The following ADAM12 variants were observed in gnomAD, a reference collection of about 807,000 sequenced individuals.
ADAM12 encodes the protein disintegrin and metalloproteinase domain-containing protein 12.
In ADAM12, 70 loss-of-function variants were observed where a neutral mutation model predicts 106.4. The observed-to-expected ratio is 0.66, with a 90% CI of 0.54 to 0.80. The LOEUF is 0.80. Among genes scored for constraint, ADAM12 ranks in the 30% least tolerant of loss-of-function variants. The probability of loss-of-function intolerance (pLI) is 0.00; values close to 1 mark genes in which losing one functional copy is unlikely to be tolerated. For synonymous variants in ADAM12, 420 were observed against 433.5 expected, an observed-to-expected ratio of 0.97 and a Z score of 0.39; for missense variants, 1,010 against 1,171.9, an observed-to-expected ratio of 0.86 and a Z score of 2.02.
chr10:126,150,939 G>A (rs539248718), intron 4 of ADAM12, among the ~76,000 whole-genome samples: 30 of 152,240 alleles, frequency 2.0e-4, no homozygotes, highest in Middle Eastern at 3.4e-3. Flanking sequence ...GTGAAATGGC[G>A]TCCAAAGAAT....
At position 126,071,459 on chromosome 10, in the gene ADAM12, T is replaced by G; in HGVS notation, c.1323+18A>C. On this transcript the variant is annotated intron_variant, in intron 12 of 22. Coordinates refer to ENST00000448723, the MANE Select transcript of ADAM12 (RefSeq NM_001288973.2). ...GATACAAGTCTTCTTGTATCCTTGT[T>G]CTGGGAATGGTTCTTACCTCTGGCT... 6.2e-7 allele frequency: 1 copy of G among 1,612,302 alleles called. No individual in the cohort carries two copies. Among genetic ancestry groups the G allele is most frequent in the Non-Finnish European group, 8.5e-7 (1 of 1,178,776 alleles).
intron 10 of ADAM12, among the ~76,000 whole-genome samples, chr10:126,096,595 C>G (rs1955562855): frequency 6.6e-6 from 1 of 152,196 alleles, no homozygotes; most frequent in Non-Finnish European, 1.5e-5. Flanking sequence ...TTGTGGTCCT[C>G]TAATGAAGCA....
intron 21 of ADAM12, among the ~76,000 whole-genome samples, chr10:126,033,276 G>T (rs1954001314): frequency 6.6e-6 from 1 of 152,080 alleles, no homozygotes; most frequent in Non-Finnish European, 1.5e-5. Flanking sequence ...GGGCCAGTTT[G>T]CCAGCATACC....
At chr10:126,127,673 T>TA (rs1956228253) in intron 5 of ADAM12, among the ~76,000 whole-genome samples, 1 of 152,196 alleles carries the variant, frequency 6.6e-6, no homozygotes, top group Non-Finnish European at 1.5e-5. Flanking sequence ...ATAGGGGCCT[T>TA]AAGACAGGGA....
intron 2 of ADAM12, among the ~76,000 whole-genome samples, chr10:126,301,515 G>A (rs1437300906): frequency 6.6e-6 from 1 of 152,100 alleles, no homozygotes. Context: ...TTCAGTTCTT[G>A]TTTAAAGGAA....
chr10:126,029,763 C>T (rs7900158), intron 21 of ADAM12, among the ~76,000 whole-genome samples: 3,279 of 152,240 alleles, frequency 0.022, 101 homozygotes, highest in East Asian at 0.11. Context: ...AATCTTAAAC[C>T]TGTGAAAAGG....
chr10:126,349,441 A>T (rs1014144352), intron 1 of ADAM12, among the ~76,000 whole-genome samples: 2 of 152,226 alleles, frequency 1.3e-5, no homozygotes, highest in Non-Finnish European at 1.5e-5. Flanking sequence ...CTCAAATAAT[A>T]TCCTGGCTCA....
chr10:126,334,799 G>A (rs867232525), intron 1 of ADAM12, among the ~76,000 whole-genome samples: 4 of 152,172 alleles, frequency 2.6e-5, no homozygotes, highest in East Asian at 1.9e-4. Context: ...CTACATCCGC[G>A]CAAGCTCCAT....
In ADAM12 at chr10:126,012,741, C is replaced by G. The variant is rs1426704949; in HGVS notation, c.*4538G>C. ...ATGGGAGGGACAGGAGAATGAGTCA[C>G]TCTGCCACCACTTTTCCTGCCTTGG... is the stretch of plus-strand genomic sequence containing the variant. On this transcript the variant is annotated 3_prime_UTR_variant, in exon 23 of 23. Transcript: ENST00000448723. 1 of 152,254 alleles carries G rather than the reference C, an allele frequency of 6.6e-6. No individual in the cohort carries two copies. Among genetic ancestry groups the G allele is most frequent in the African/African-American group, 2.4e-5 (1 of 41,482 alleles). 9.4% of individuals were successfully genotyped at this position (152,254 alleles called of 1,614,324 possible).
In ADAM12 at chr10:126,109,663, T is replaced by C. The variant is rs1465018921; in HGVS notation, c.669+112A>G. On this transcript the variant is annotated intron_variant, in intron 7 of 22. Coordinates refer to ENST00000448723, the MANE Select transcript of ADAM12 (RefSeq NM_001288973.2). ...TTTCAATGGGTTGTTTCCATTGCTT[T>C]TAAGAGCACATAGGAAATGAGGTTC... 6 of 872,868 alleles carry C rather than the reference T, an allele frequency of 6.9e-6. No individual in the cohort carries two copies. The Admixed American group carries it at 1.4e-4, about 21-fold the overall frequency. 54.1% of individuals were successfully genotyped at this position (872,868 alleles called of 1,614,324 possible). A position where few individuals can be genotyped will look rare whatever the true frequency, so the allele number is the denominator to read the frequency against.
intron 17 of ADAM12, among the ~76,000 whole-genome samples, chr10:126,045,152 T>C (rs1172182042): frequency 6.6e-6 from 1 of 151,878 alleles, no homozygotes; most frequent in Non-Finnish European, 1.5e-5. Flanking sequence ...GGGCACACCA[T>C]CCCCACAGCT....
intron 3 of ADAM12, among the ~76,000 whole-genome samples, chr10:126,260,098 T>C (rs1484946764): frequency 6.6e-6 from 1 of 152,148 alleles, no homozygotes; most frequent in East Asian, 1.9e-4. Context: ...GCCCCAGCAT[T>C]TCTTCCATAC....
At chr10:126,359,872 T>C (rs1222049807) in intron 1 of ADAM12, among the ~76,000 whole-genome samples, 2 of 152,160 alleles carry the variant, frequency 1.3e-5, no homozygotes, top group Non-Finnish European at 2.9e-5. Flanking sequence ...CTAGCAGAGA[T>C]TCTCCATGAA....
intron 11 of ADAM12, among the ~76,000 whole-genome samples, chr10:126,074,671 C>T (rs905124079): frequency 2.0e-5 from 3 of 152,318 alleles, no homozygotes; most frequent in South Asian, 2.1e-4. Flanking sequence ...AAAATTCTTT[C>T]TCATTTAGAA....
intron 3 of ADAM12, among the ~76,000 whole-genome samples, chr10:126,201,590 T>G (rs1957702010): frequency 6.6e-6 from 1 of 152,114 alleles, no homozygotes; most frequent in African/African-American, 2.4e-5. Context: ...TTCTGTTGTT[T>G]GAAGCCACTC....
intron 16 of ADAM12, among the ~76,000 whole-genome samples, chr10:126,046,710 G>A (rs1954331134): frequency 6.6e-6 from 1 of 150,486 alleles, no homozygotes; most frequent in African/African-American, 2.5e-5. Context: ...GGCCGAGGCA[G>A]GAGAATCGCT....
At chr10:126,308,721 C>T (rs369677223) in intron 2 of ADAM12, among the ~76,000 whole-genome samples, 5 of 152,142 alleles carry the variant, frequency 3.3e-5, no homozygotes, top group East Asian at 1.9e-4. Flanking sequence ...GCAACTTGGC[C>T]GATGCCTGGT....
chr10:126,055,476 G>A (rs1280519619), intron 14 of ADAM12, among the ~76,000 whole-genome samples: 2 of 152,206 alleles, frequency 1.3e-5, no homozygotes, highest in African/African-American at 2.4e-5. Flanking sequence ...GATACAGCAC[G>A]CGGTATCATC....
Position 126,109,807 on chromosome 10 carries a change from C to G in ADAM12, c.637G>C (p.Val213Leu). The change falls in exon 7 of 23, where the codon GTG (valine) becomes CTG (leucine). Residue 213 changes from valine (V) to leucine (L), a missense_variant. This residue lies in a region of ADAM12 where 391 missense variants were observed against 442.9 expected (regional missense o/e 0.88). Coordinates refer to ENST00000448723, the MANE Select transcript of ADAM12 (RefSeq NM_001288973.2). ...TTGTCTGCCACGATCACCAGCTCCACATACTTAGTTGCCTTGAGGGTCTCT... is the reference window on the plus strand; with the variant it reads ...TTGTCTGCCACGATCACCAGCTCCAGATACTTAGTTGCCTTGAGGGTCTCT... ...KRETLKATKY[V>L]ELVIVADNRE... 1 of 1,613,226 alleles carries G rather than the reference C, an allele frequency of 6.2e-7. No homozygotes were observed. The highest frequency in any genetic ancestry group is 8.5e-7 in the Non-Finnish European group (1 of 1,179,856).
Sources: gnomAD v4.1 joint callset for allele counts (sites outside exome capture counted in the v4.1 genomes callset) on GRCh38, gnomAD v4.1.1 for gene constraint, gnomAD v4.1.1 regional missense constraint, MANE v1.5 for transcripts, NCBI Gene and HGNC (gene_info 2026-07-23, HGNC 2026-07-21) for gene names.